Variants in SOX5 observed in about 807,000 individuals in gnomAD.
SOX5 encodes transcription factor SOX-5.
A neutral mutation model predicts 92.0 loss-of-function variants in SOX5; 9 were observed. The observed-to-expected ratio is 0.10, with a 90% CI of 0.06 to 0.17. The LOEUF (loss-of-function observed/expected upper bound fraction) is 0.17. Ranked by LOEUF, SOX5 falls within the 10% of genes least tolerant of loss-of-function variation. The probability of loss-of-function intolerance (pLI) is 1.00; values close to 1 mark genes in which losing one functional copy is unlikely to be tolerated. For synonymous variants in SOX5, 344 were observed against 336.3 expected (o/e 1.02, Z -0.25); for missense variants, 642 against 944.5 (o/e 0.68, Z 4.20).
Position 23,895,830 on chromosome 12 carries a change from C to A in SOX5, c.233G>T (p.Cys78Phe). Residue 78 changes from cysteine (C) to phenylalanine (F), a missense_variant, in exon 2 of 15, where the codon TGT (cysteine) becomes TTT (phenylalanine). By Grantham distance (205) the Cys-to-Phe change is radical (BLOSUM62 -2). Coordinates refer to ENST00000451604, the MANE Select transcript of SOX5 (RefSeq NM_006940.6). Reference protein sequence around the residue: ...QPVSLLTQETCGHRTPTSQHN... With the variant: ...QPVSLLTQETFGHRTPTSQHN... ...CTGAGAAGTGGGAGTCCTATGGCCA[C>A]AAGTCTCTTGCGTCAGCAGAGAAAC... 4 of 1,613,982 alleles carry A rather than the reference C, an allele frequency of 2.5e-6. No individual in the cohort carries two copies. The highest frequency in any genetic ancestry group is 3.4e-6 in the Non-Finnish European group (4 of 1,179,864).
chr12:24,000,119 A>G (rs1301050334), intron 4 of SOX5, among the ~76,000 whole-genome samples: 2 of 150,904 alleles, frequency 1.3e-5, no homozygotes, highest in East Asian at 1.9e-4. Context: ...ATACATATGT[A>G]TATTATATAA....
chr12:24,419,046 T>A (rs1301172298), intron 1 of SOX5, among the ~76,000 whole-genome samples: 1 of 152,218 alleles, frequency 6.6e-6, no homozygotes, highest in African/African-American at 2.4e-5. Context: ...GTGTGTTTTT[T>A]TCTTTCATGA....
chr12:23,627,152 T>C (rs139869057), intron 8 of SOX5, among the ~76,000 whole-genome samples: 1 of 152,282 alleles, frequency 6.6e-6, no homozygotes, highest in East Asian at 1.9e-4. Context: ...AAGAGGAATG[T>C]TTGTTCCTTT....
intron 13 of SOX5, among the ~76,000 whole-genome samples, chr12:23,540,639 A>T (rs1451161903): frequency 6.6e-6 from 1 of 152,216 alleles, no homozygotes; most frequent in African/African-American, 2.4e-5. Context: ...ATATCTAATC[A>T]GAAAAAGATG....
Position 23,534,072 on chromosome 12 carries a change from A to G in SOX5, c.*147T>C. The G allele has an allele frequency of 1.5e-6, 1 of 673,156 alleles. No homozygotes were observed. Among genetic ancestry groups the G allele is most frequent in the Non-Finnish European group, 2.6e-6 (1 of 387,866 alleles). The allele number at this position is 673,156 out of a possible 1,614,324, so 41.7% of individuals were successfully genotyped here. On this transcript the variant is annotated 3_prime_UTR_variant, in exon 15 of 15. Coordinates refer to ENST00000451604, the MANE Select transcript of SOX5 (RefSeq NM_006940.6). ...TCCAAGCCTTTTGAGGCTGAGGTCT[A>G]TTAGTCAGCTGATGTCCCAACTATT...
intron 3 of SOX5, among the ~76,000 whole-genome samples, chr12:24,229,954 A>C (rs1963019147): frequency 6.6e-6 from 1 of 152,232 alleles, no homozygotes; most frequent in Non-Finnish European, 1.5e-5. Context: ...TGGACAAAAC[A>C]GTTCCCCTAT....
chr12:23,795,761 C>T (rs748892762), intron 3 of SOX5, among the ~76,000 whole-genome samples: 1 of 152,126 alleles, frequency 6.6e-6, no homozygotes, highest in Non-Finnish European at 1.5e-5. Context: ...CTACAGTTTA[C>T]AGACAGCCAC....
intron 6 of SOX5, among the ~76,000 whole-genome samples, chr12:23,724,403 A>C (rs1335626627): frequency 6.6e-6 from 1 of 152,190 alleles, no homozygotes. Flanking sequence ...CCAAATACTT[A>C]ATAAGCAATA....
At chr12:24,497,124 T>G (rs1947719535) in intron 1 of SOX5, among the ~76,000 whole-genome samples, 1 of 152,238 alleles carries the variant, frequency 6.6e-6, no homozygotes, top group African/African-American at 2.4e-5. Context: ...AATCTACAGC[T>G]AGGCTATGGT....
At chr12:23,611,992 T>C (rs1054987001) in intron 8 of SOX5, among the ~76,000 whole-genome samples, 3 of 151,946 alleles carry the variant, frequency 2.0e-5, no homozygotes, top group African/African-American at 7.2e-5. Flanking sequence ...TGATAAAACA[T>C]ACTGATTCCT....
At chr12:23,624,976 GCTAA>G (rs2077586210) in intron 8 of SOX5, among the ~76,000 whole-genome samples, 1 of 152,156 alleles carries the variant, frequency 6.6e-6, no homozygotes, top group Non-Finnish European at 1.5e-5. Context: ...TAAAACACTA[GCTAA>G]CTTAGATTGA....
chr12:24,076,320 T>TA (rs1347163367), intron 4 of SOX5, among the ~76,000 whole-genome samples: 1 of 152,184 alleles, frequency 6.6e-6, no homozygotes, highest in East Asian at 1.9e-4. Context: ...AAGTGAGCAT[T>TA]AAAGACTTGG....
At chr12:23,574,473 T>C (rs750924596) in intron 10 of SOX5, among the ~76,000 whole-genome samples, 5 of 152,174 alleles carry the variant, frequency 3.3e-5, no homozygotes, top group Admixed American at 1.3e-4. Context: ...AAAATTCTAG[T>C]TTCCTGTCTA....
At chr12:24,274,205 G>C (rs564776953) in intron 3 of SOX5, among the ~76,000 whole-genome samples, 75 of 151,976 alleles carry the variant, frequency 4.9e-4, no homozygotes, top group Non-Finnish European at 1.0e-3. Flanking sequence ...CAATTACTAA[G>C]ACAAGTGAAT....
chr12:24,553,466 A>C (rs1953421323), intron 1 of SOX5, among the ~76,000 whole-genome samples: 1 of 152,176 alleles, frequency 6.6e-6, no homozygotes, highest in Non-Finnish European at 1.5e-5. Context: ...CCTTGACTCA[A>C]TATGAAACTC....
intron 4 of SOX5, among the ~76,000 whole-genome samples, chr12:24,089,342 T>A (rs1944376104): frequency 6.6e-6 from 1 of 152,052 alleles, no homozygotes; most frequent in South Asian, 2.1e-4. Flanking sequence ...ATTACAGTCG[T>A]CATTACAAAT....
At chr12:24,329,408 C>T (rs1018137364) in intron 2 of SOX5, among the ~76,000 whole-genome samples, 1 of 152,082 alleles carries the variant, frequency 6.6e-6, no homozygotes, top group Non-Finnish European at 1.5e-5. Flanking sequence ...AATCATTAGA[C>T]CTGGTGAAAA....
At chr12:24,083,586 A>G (rs1348414428) in intron 4 of SOX5, among the ~76,000 whole-genome samples, 1 of 152,006 alleles carries the variant, frequency 6.6e-6, no homozygotes, top group Non-Finnish European at 1.5e-5. Context: ...TCAAAAGGGG[A>G]ACTTCCCCAG....
At chr12:23,839,943 C>T (rs1020091179) in intron 3 of SOX5, among the ~76,000 whole-genome samples, 21 of 148,582 alleles carry the variant, frequency 1.4e-4, no homozygotes, top group Admixed American at 1.4e-3. Context: ...TCTTACTACT[C>T]TTACTTACTC....
Sources: allele counts gnomAD v4.1 joint callset (sites outside exome capture counted in the v4.1 genomes callset), GRCh38; gene constraint gnomAD v4.1.1; transcripts MANE v1.5; gene names NCBI Gene and HGNC (gene_info 2026-07-23, HGNC 2026-07-21).